The following FBXO42 variants were observed in gnomAD, a reference collection of about 807,000 sequenced individuals.
FBXO42 encodes F-box only protein 42.
Under a neutral mutation model 71.7 loss-of-function variants are expected in FBXO42, and 12 were observed. That is an observed-to-expected ratio of 0.17 (90% CI 0.11 to 0.27). The LOEUF (loss-of-function observed/expected upper bound fraction) is 0.27, where lower values mean the gene tolerates loss of function less well. Ranked by LOEUF, FBXO42 falls within the 10% of genes least tolerant of loss-of-function variation. The pLI is 1.00. For missense variants in FBXO42, 707 were observed against 911.9 expected, an observed-to-expected ratio of 0.78 and a Z score of 2.89; for synonymous variants, 325 against 327.5, an observed-to-expected ratio of 0.99 and a Z score of 0.08.
chr1:16,283,590 C>A (rs946440134), intron 4 of FBXO42, among the ~76,000 whole-genome samples: 1 of 147,146 alleles, frequency 6.8e-6, no homozygotes, highest in African/African-American at 2.5e-5. Flanking sequence ...CTCCACCTCC[C>A]GGGTTCAAGC....
chr1:16,264,076 G>A (rs1242124783), intron 4 of FBXO42, among the ~76,000 whole-genome samples: 1 of 152,112 alleles, frequency 6.6e-6, no homozygotes. Context: ...CTCCCAAAGT[G>A]CAGGGATTAC....
intron 1 of FBXO42, among the ~76,000 whole-genome samples, chr1:16,323,148 G>A (rs1393014278): frequency 6.6e-6 from 1 of 152,248 alleles, no homozygotes. Flanking sequence ...GCCAGGCACA[G>A]TGGCTCACGC....
chr1:16,340,492 T>C (rs914313608), intron 1 of FBXO42, among the ~76,000 whole-genome samples: 5 of 152,060 alleles, frequency 3.3e-5, no homozygotes. Flanking sequence ...TAATTTTTTG[T>C]ATTTTTAGTA....
At chr1:16,275,619 T>C (rs2081891880) in intron 4 of FBXO42, among the ~76,000 whole-genome samples, 1 of 151,934 alleles carries the variant, frequency 6.6e-6, no homozygotes, top group South Asian at 2.1e-4. Context: ...ACCCTGTCTC[T>C]TACCCAAAAA....
At chr1:16,267,802 T>C (rs2081794983) in intron 4 of FBXO42, among the ~76,000 whole-genome samples, 1 of 152,198 alleles carries the variant, frequency 6.6e-6, no homozygotes, top group Non-Finnish European at 1.5e-5. Context: ...AAAAACATCA[T>C]TCTATGGGTC....
intron 4 of FBXO42, among the ~76,000 whole-genome samples, chr1:16,268,020 CT>C: frequency 6.6e-6 from 1 of 151,522 alleles, no homozygotes. Context: ...GTAATAGTTC[CT>C]TGTTACCATT....
At position 16,263,959 on chromosome 1, in the gene FBXO42, T is replaced by A. The variant is rs551554184; in HGVS notation, c.503-7200A>T. ...CCGAGTAGCTGGGATTAGAGGTGTG[T>A]GCTACCACACTTGGCTAATTTTTGT... On this transcript the variant is annotated intron_variant, in intron 4 of 9. Coordinates refer to ENST00000375592, the MANE Select transcript of FBXO42 (RefSeq NM_018994.3). Among the ~76,000 whole-genome samples, 105 of 151,932 alleles carry A rather than the reference T, an allele frequency of 6.9e-4. 1 individual carries two copies. Among genetic ancestry groups the A allele is most frequent in the African/African-American group, 2.4e-3 (101 of 41,490 alleles).
chr1:16,319,865 T>C (rs745999271), intron 1 of FBXO42, among the ~76,000 whole-genome samples: 1 of 149,642 alleles, frequency 6.7e-6, no homozygotes, highest in South Asian at 2.1e-4. Flanking sequence ...GAGCCGAGAT[T>C]GCGCCACTGC....
chr1:16,257,394 C>T (rs1317589406), intron 4 of FBXO42, among the ~76,000 whole-genome samples: 1 of 152,086 alleles, frequency 6.6e-6, no homozygotes, highest in African/African-American at 2.4e-5. Context: ...GGCAGACCTT[C>T]AAGGATTGGT....
At chr1:16,271,383 C>T (rs2081844158) in intron 4 of FBXO42, among the ~76,000 whole-genome samples, 1 of 151,514 alleles carries the variant, frequency 6.6e-6, no homozygotes, top group African/African-American at 2.4e-5. Flanking sequence ...TAGGTTCAAG[C>T]CACTCTCCTG....
intron 1 of FBXO42, among the ~76,000 whole-genome samples, chr1:16,330,998 G>A (rs2082493770): frequency 6.6e-6 from 1 of 152,098 alleles, no homozygotes; most frequent in African/African-American, 2.4e-5. Context: ...GCGCGTGCCT[G>A]TAGTCCCAAC....
chr1:16,319,504 T>G (rs557122489), intron 1 of FBXO42, among the ~76,000 whole-genome samples: 11 of 152,162 alleles, frequency 7.2e-5, no homozygotes, highest in Non-Finnish European at 1.6e-4. Context: ...TGGAGTGGCT[T>G]AAGTCCACCT....
chr1:16,339,459 C>T (rs903588928), intron 1 of FBXO42, among the ~76,000 whole-genome samples: 4 of 151,982 alleles, frequency 2.6e-5, no homozygotes, highest in Admixed American at 6.6e-5. Context: ...ACTACAGGTG[C>T]GTGCCACCAC....
At chr1:16,295,341 T>C (rs2082117443) in intron 3 of FBXO42, among the ~76,000 whole-genome samples, 1 of 152,244 alleles carries the variant, frequency 6.6e-6, no homozygotes, top group Non-Finnish European at 1.5e-5. Context: ...CTATTGTTTT[T>C]GTTTTCAAAT....
intron 5 of FBXO42, among the ~76,000 whole-genome samples, chr1:16,256,040 G>C (rs374542026): frequency 6.9e-4 from 105 of 152,216 alleles, no homozygotes; most frequent in African/African-American, 2.5e-3. Context: ...TGGAGGGAGA[G>C]AGATGAGAAA....
intron 1 of FBXO42, among the ~76,000 whole-genome samples, chr1:16,342,640 T>C (rs1368925225): frequency 6.6e-6 from 1 of 151,644 alleles, no homozygotes; most frequent in African/African-American, 2.4e-5. Context: ...CCCCTGACCC[T>C]TAATAGTTTC....
intron 1 of FBXO42, among the ~76,000 whole-genome samples, chr1:16,351,818 C>A (rs963362044): frequency 3.3e-5 from 5 of 152,194 alleles, no homozygotes; most frequent in Non-Finnish European, 5.9e-5. Flanking sequence ...AAAATTATCC[C>A]TTTGCAGCTG....
chr1:16,301,128 G>T (rs548966999), intron 3 of FBXO42, among the ~76,000 whole-genome samples: 15 of 151,900 alleles, frequency 9.9e-5, no homozygotes, highest in African/African-American at 3.6e-4. Context: ...CCAACTCCTG[G>T]CCTGAAGTGA....
chr1:16,267,379 TTTAA>T (rs1166055488), intron 4 of FBXO42, among the ~76,000 whole-genome samples: 1 of 152,248 alleles, frequency 6.6e-6, no homozygotes, highest in Admixed American at 6.5e-5. Flanking sequence ...AGGAGTGCTC[TTTAA>T]TTGCAGTTCT....
Sources: gnomAD v4.1 joint callset for allele counts (sites outside exome capture counted in the v4.1 genomes callset) on GRCh38, gnomAD v4.1.1 for gene constraint, MANE v1.5 for transcripts, NCBI Gene and HGNC (gene_info 2026-07-23, HGNC 2026-07-21) for gene names.